TAF3: variants seen among roughly 807,000 people sequenced by gnomAD.
The protein encoded by TAF3 is transcription initiation factor TFIID subunit 3.
A neutral mutation model predicts 80.6 loss-of-function variants in TAF3; 7 were observed. The observed-to-expected ratio is 0.09, with a 90% CI of 0.05 to 0.16. TAF3 has a LOEUF of 0.16. Ranked by LOEUF, TAF3 falls within the 10% of genes least tolerant of loss-of-function variation. TAF3 has a pLI of 1.00. For synonymous variants in TAF3, 444 were observed against 446.1 expected (o/e 1.00, Z 0.06); for missense variants, 921 against 1,140.2 (o/e 0.81, Z 2.77).
chr10:7,974,183 C>T (rs1027790004), intron 3 of TAF3, among the ~76,000 whole-genome samples: 7 of 150,798 alleles, frequency 4.6e-5, no homozygotes, highest in Non-Finnish European at 7.4e-5. Context: ...AACACACACA[C>T]GAGACTTGAA....
intron 2 of TAF3, among the ~76,000 whole-genome samples, chr10:7,896,395 G>A (rs1314505159): frequency 6.6e-6 from 1 of 152,142 alleles, no homozygotes; most frequent in Non-Finnish European, 1.5e-5. Flanking sequence ...GAGGTCCTAC[G>A]ACAAGGGAGA....
At chr10:8,006,193 C>T (rs1831990766) in intron 4 of TAF3, among the ~76,000 whole-genome samples, 1 of 148,732 alleles carries the variant, frequency 6.7e-6, no homozygotes, top group Non-Finnish European at 1.5e-5. Flanking sequence ...CACACACACA[C>T]ACACACACAC....
intron 2 of TAF3, among the ~76,000 whole-genome samples, chr10:7,889,117 A>G (rs1197850763): frequency 6.6e-6 from 1 of 152,176 alleles, no homozygotes; most frequent in African/African-American, 2.4e-5. Context: ...GTGGACGTCG[A>G]CATTACTGAC....
chr10:7,874,803 T>C (rs1837299504), intron 2 of TAF3, among the ~76,000 whole-genome samples: 3 of 152,074 alleles, frequency 2.0e-5, no homozygotes, highest in African/African-American at 7.2e-5. Context: ...CATGGAAAAC[T>C]TTTTTCATCG....
chr10:7,868,614 G>T (rs1451874000), intron 2 of TAF3, among the ~76,000 whole-genome samples: 2 of 152,220 alleles, frequency 1.3e-5, no homozygotes, highest in Admixed American at 1.3e-4. Flanking sequence ...GTTCTATTGG[G>T]TGGGTTACTT....
At chr10:7,879,452 C>T (rs1837339837) in intron 2 of TAF3, among the ~76,000 whole-genome samples, 1 of 152,186 alleles carries the variant, frequency 6.6e-6, no homozygotes, top group African/African-American at 2.4e-5. Flanking sequence ...TAATGACACC[C>T]ACCCTCATCT....
chr10:8,009,309 T>C lies in TAF3; in HGVS notation c.2547T>C (p.Thr849=). The change falls in exon 5 of 7, where the codon ACT becomes ACC. Residue 849 remains threonine, a synonymous_variant. Coordinates refer to ENST00000344293, the MANE Select transcript of TAF3 (RefSeq NM_031923.4). The surrounding 1 kb of genome is among the most constrained non-coding windows in gnomAD (Gnocchi z 4.1). ...AAGCCCCCGTGCGCAGCGTGGTGAC[T>C]GAGACGGTCAGCACCTACGTGGTGC... ...SAKAPVRSVV[T]ETVSTYVIRD... 6.3e-7 allele frequency: 1 copy of C among 1,591,320 alleles called. No individual in the cohort carries two copies. The highest frequency in any genetic ancestry group is 8.5e-7 in the Non-Finnish European group (1 of 1,170,482).
chr10:7,875,959 A>G (rs1837308592), intron 2 of TAF3, among the ~76,000 whole-genome samples: 1 of 151,846 alleles, frequency 6.6e-6, no homozygotes, highest in Admixed American at 6.5e-5. Flanking sequence ...GTAATCTTAT[A>G]TTACTATTAA....
Position 7,964,823 on chromosome 10 carries a change from C to T in TAF3, c.1313C>T (p.Thr438Ile). 1 of 1,614,218 alleles carries T rather than the reference C, an allele frequency of 6.2e-7. No individual in the cohort carries two copies. The highest frequency in any genetic ancestry group is 8.5e-7 in the Non-Finnish European group (1 of 1,180,040). ...GAGTGTACTACTCCCAAAGCTTCCA[C>T]TTCCGCGAACAATTTCACAAAGTCA... is the stretch of plus-strand genomic sequence containing the variant. The part of the protein sequence containing the change: ...GPECTTPKAS[T>I]SANNFTKSGS... The change falls in exon 3 of 7, where the codon ACT becomes ATT. Residue 438 changes from threonine (T) to isoleucine (I), a missense_variant. Physicochemically the swap from Thr to Ile is moderately conservative, Grantham distance 89. Around this residue, in one of 6 missense-constraint regions of TAF3, gnomAD observed 743 missense variants for 821.0 expected, o/e 0.90. Transcript: ENST00000344293. This position sits in a 1 kb window ranked among gnomAD's most constrained non-coding sequence, Gnocchi z 4.1.
At position 8,009,137 on chromosome 10, in the gene TAF3, C is replaced by T; in HGVS notation, c.2375C>T (p.Pro792Leu). 2 of 1,595,300 alleles carry T rather than the reference C, an allele frequency of 1.3e-6. No homozygotes were observed. Among genetic ancestry groups the T allele is most frequent in the South Asian group, 1.1e-5 (1 of 90,942 alleles). Residue 792 changes from proline to leucine, a missense_variant, in exon 5 of 7, where the codon CCG becomes CTG. Transcript: ENST00000344293. The surrounding 1 kb of genome is among the most constrained non-coding windows in gnomAD (Gnocchi z 4.1). ...AAGCCGGCGCCCTCGCAGAACAGGC[C>T]GAAGACCCCACCGCCGGCCCCCGCG... Reference protein sequence around the residue: ...EAKPAPSQNRPKTPPPAPAPA... With the variant: ...EAKPAPSQNRLKTPPPAPAPA...
chr10:7,979,292 T>C (rs1223445449), intron 4 of TAF3, among the ~76,000 whole-genome samples: 1 of 142,554 alleles, frequency 7.0e-6, no homozygotes, highest in Non-Finnish European at 1.5e-5. Context: ...TTCTGTGAGC[T>C]GAGATCGCGC....
chr10:8,009,355 T>C lies in TAF3; in HGVS notation c.2568+25T>C. On this transcript the variant is annotated intron_variant, in intron 5 of 6. Transcript: ENST00000344293. This position sits in a 1 kb window ranked among gnomAD's most constrained non-coding sequence, Gnocchi z 4.1. The stretch of plus-strand genomic sequence containing the variant: ...GGTGCGTACCTGCCGCCCGCGCGGT[T>C]AGCATGGAGACGTTTTCAGATCGAG... The C allele has an allele frequency of 6.3e-7, 1 of 1,581,500 alleles. No homozygotes were observed. Among genetic ancestry groups the C allele is most frequent in the South Asian group, 1.1e-5 (1 of 89,060 alleles).
At chr10:7,944,093 T>TTGTGTG (rs35219363) in intron 2 of TAF3, among the ~76,000 whole-genome samples, 6,159 of 137,088 alleles carry the variant, frequency 0.045, 164 homozygotes, top group South Asian at 0.085. Flanking sequence ...ATGTTCATGC[T>TTGTGTG]TGTGTGTGTG....
At chr10:7,862,276 T>A (rs1837155868) in intron 2 of TAF3, among the ~76,000 whole-genome samples, 1 of 152,336 alleles carries the variant, frequency 6.6e-6, no homozygotes, top group Admixed American at 6.5e-5. Flanking sequence ...TTTTCTGTTT[T>A]TTCACATGTC....
intron 4 of TAF3, among the ~76,000 whole-genome samples, chr10:7,985,782 T>C (rs979686406): frequency 2.9e-4 from 18 of 62,386 alleles, no homozygotes; most frequent in East Asian, 2.1e-3. Flanking sequence ...CTCTCTCTCT[T>C]TTTTTTTTTT....
rs778879008 is a variant in TAF3 at position 7,964,731 on chromosome 10, C to G, written c.1221C>G (p.Phe407Leu). The change falls in exon 3 of 7, where the codon TTC (phenylalanine) becomes TTG (leucine). Residue 407 changes from phenylalanine to leucine, a missense_variant. Coordinates refer to ENST00000344293, the MANE Select transcript of TAF3 (RefSeq NM_031923.4). The surrounding 1 kb of genome is among the most constrained non-coding windows in gnomAD (Gnocchi z 4.1). ...GTGCTGAGCGAGAGCCAGATCCTTT[C>G]GAATTTTCTTCTGGATCGGAATCTG... is the stretch of plus-strand genomic sequence containing the variant. ...RACAEREPDP[F>L]EFSSGSESEG... 1.9e-6 allele frequency: 3 copies of G among 1,614,028 alleles called. No homozygotes were observed. The highest frequency in any genetic ancestry group is 1.7e-5 in the Admixed American group (1 of 60,006).
At chr10:7,826,058 G>A (rs4749283) in intron 2 of TAF3, among the ~76,000 whole-genome samples, 1 of 152,078 alleles carries the variant, frequency 6.6e-6, no homozygotes, top group East Asian at 1.9e-4. Context: ...GTCTCAGGAA[G>A]TATGTTTAAA....
chr10:7,966,152 G>A (rs911583153), intron 3 of TAF3, among the ~76,000 whole-genome samples: 7 of 152,128 alleles, frequency 4.6e-5, no homozygotes, highest in Admixed American at 1.3e-4. Context: ...GCAAAACCAC[G>A]GCACTATTTT....
chr10:7,953,697 C>T (rs964385060), intron 2 of TAF3, among the ~76,000 whole-genome samples: 7 of 152,228 alleles, frequency 4.6e-5, no homozygotes, highest in Admixed American at 2.6e-4. Flanking sequence ...TGATTAAGGA[C>T]AGCCAATCAT....
Sources: gnomAD v4.1 joint callset for allele counts (sites outside exome capture counted in the v4.1 genomes callset) on GRCh38, gnomAD v4.1.1 for gene constraint, gnomAD v4.1.1 regional missense constraint, Gnocchi (gnomAD v3.1) non-coding constraint, MANE v1.5 for transcripts, NCBI Gene and HGNC (gene_info 2026-07-23, HGNC 2026-07-21) for gene names.